Variants in SEMA5A observed in about 807,000 individuals in gnomAD.
SEMA5A encodes the protein semaphorin-5A.
In SEMA5A, 55 loss-of-function variants were observed where a neutral mutation model predicts 135.5. The ratio of observed to expected loss-of-function variants is 0.41; its 90% CI spans 0.33 to 0.51. The LOEUF is 0.51. Ranked by LOEUF, SEMA5A falls within the 20% of genes least tolerant of loss-of-function variation. The pLI, the probability that SEMA5A is intolerant of heterozygous loss-of-function variation, is 0.37. For missense variants in SEMA5A, 1,290 were observed against 1,419.9 expected (o/e 0.91, Z 1.47); for synonymous variants, 580 against 546.5 (o/e 1.06, Z -0.85).
intron 2 of SEMA5A, among the ~76,000 whole-genome samples, chr5:9,429,255 C>T (rs1757774157): frequency 6.6e-6 from 1 of 152,130 alleles, no homozygotes; most frequent in Non-Finnish European, 1.5e-5. Context: ...TTCTCTTAGC[C>T]AAGCCCATAG....
chr5:9,092,901 C>A (rs1311287906), intron 16 of SEMA5A, among the ~76,000 whole-genome samples: 1 of 152,148 alleles, frequency 6.6e-6, no homozygotes, highest in Admixed American at 6.5e-5. Flanking sequence ...CTACACTCTG[C>A]AAGGTGTTGA....
At chr5:9,129,456 T>C (rs1741285995) in intron 13 of SEMA5A, among the ~76,000 whole-genome samples, 1 of 152,264 alleles carries the variant, frequency 6.6e-6, no homozygotes, top group African/African-American at 2.4e-5. Flanking sequence ...TGGGTGCAGG[T>C]TCTCTGTGTT....
intron 5 of SEMA5A, among the ~76,000 whole-genome samples, chr5:9,282,572 C>G (rs186075578): frequency 7.2e-5 from 11 of 152,202 alleles, no homozygotes; most frequent in African/African-American, 2.6e-4. Flanking sequence ...TATATTTATA[C>G]CTAAATCCTA....
chr5:9,090,363 G>C (rs13436571), intron 16 of SEMA5A, among the ~76,000 whole-genome samples: 36 of 152,228 alleles, frequency 2.4e-4, no homozygotes, highest in African/African-American at 8.7e-4. Flanking sequence ...GCTTTAAAAC[G>C]AACTTCCATT....
Position 9,224,776 on chromosome 5 carries a change from C to T in SEMA5A, c.544G>A (p.Ala182Thr). 1 of 1,614,142 alleles carries T rather than the reference C, an allele frequency of 6.2e-7. No homozygotes were observed. The highest frequency in any genetic ancestry group is 8.5e-7 in the Non-Finnish European group (1 of 1,180,028). The change falls in exon 8 of 23, where the codon GCT becomes ACT. Residue 182 changes from alanine to threonine, a missense_variant. Around this residue, in one of 3 missense-constraint regions of SEMA5A, gnomAD observed 145 missense variants for 212.0 expected, o/e 0.68. Transcript: ENST00000382496. The part of the protein sequence containing the change: ...LLTAGGELYA[A>T]TAMDFPGRDP... ...CGTCCTGGAAAATCCATGGCTGTAGCAGCATAGAGCTCCCCACCAGCTGTG... is the reference window on the plus strand; with the variant it reads ...CGTCCTGGAAAATCCATGGCTGTAGTAGCATAGAGCTCCCCACCAGCTGTG...
intron 8 of SEMA5A, among the ~76,000 whole-genome samples, chr5:9,217,646 G>C (rs947918266): frequency 4.6e-5 from 7 of 152,138 alleles, no homozygotes; most frequent in African/African-American, 1.7e-4. Flanking sequence ...TAGATTTGGT[G>C]TCTTTACCTC....
intron 8 of SEMA5A, among the ~76,000 whole-genome samples, chr5:9,223,336 G>A (rs1747106651): frequency 1.3e-5 from 2 of 152,170 alleles, no homozygotes; most frequent in South Asian, 2.1e-4. Flanking sequence ...CAAAATACTT[G>A]CATTGAATAT....
intron 14 of SEMA5A, among the ~76,000 whole-genome samples, chr5:9,120,682 T>G (rs1307901498): frequency 6.6e-6 from 1 of 152,196 alleles, no homozygotes; most frequent in Non-Finnish European, 1.5e-5. Context: ...TTTGCAAAGT[T>G]TCATTACATG....
chr5:9,066,621 G>C lies in SEMA5A; in HGVS notation c.2099C>G (p.Pro700Arg), dbSNP rs111767641. ...NVEYQSCNTNPCPELKKTTPW... is the reference protein window; with the variant it reads ...NVEYQSCNTNRCPELKKTTPW... The stretch of plus-strand genomic sequence containing the variant: ...CGTGGTCTTCTTCAGCTCAGGACAC[G>C]GGTTGGTGTTGCAAGACTGGTACTC... Residue 700 changes from proline (P) to arginine (R), a missense_variant, in exon 17 of 23, where the codon CCG (proline) becomes CGG (arginine). Coordinates refer to ENST00000382496, the MANE Select transcript of SEMA5A (RefSeq NM_003966.3). 6 of 1,613,944 alleles carry C rather than the reference G, an allele frequency of 3.7e-6. No individual in the cohort carries two copies. The African/African-American group carries it at 4.0e-5, about 11-fold the overall frequency.
intron 1 of SEMA5A, among the ~76,000 whole-genome samples, chr5:9,458,671 GA>G (rs533444499): frequency 6.8e-4 from 104 of 152,300 alleles, no homozygotes; most frequent in African/African-American, 2.3e-3. Flanking sequence ...AGACTCTACA[GA>G]AAACCAGGGC....
At chr5:9,527,746 A>G (rs994642410) in intron 1 of SEMA5A, among the ~76,000 whole-genome samples, 1 of 152,168 alleles carries the variant, frequency 6.6e-6, no homozygotes, top group Non-Finnish European at 1.5e-5. Flanking sequence ...TATTGCTATC[A>G]TTTTAGAATT....
intron 2 of SEMA5A, among the ~76,000 whole-genome samples, chr5:9,420,113 G>T (rs890463404): frequency 1.3e-5 from 2 of 151,884 alleles, no homozygotes; most frequent in African/African-American, 4.8e-5. Context: ...ATGATGGAGC[G>T]CTCCATCATG....
intron 6 of SEMA5A, among the ~76,000 whole-genome samples, chr5:9,232,716 A>G (rs1393279830): frequency 6.6e-6 from 1 of 152,002 alleles, no homozygotes; most frequent in Non-Finnish European, 1.5e-5. Context: ...TTCATGGGAA[A>G]CCTTTTTGGA....
At chr5:9,491,400 G>A (rs1734995843) in intron 1 of SEMA5A, among the ~76,000 whole-genome samples, 1 of 152,096 alleles carries the variant, frequency 6.6e-6, no homozygotes, top group South Asian at 2.1e-4. Flanking sequence ...AACTCTGGGT[G>A]ATAATGATGT....
rs376889122 is a variant in SEMA5A, at chr5:9,386,698, G to T, written c.-77-6675C>A. Among the ~76,000 whole-genome samples the T allele has an allele frequency of 2.6e-4, 39 of 152,342 alleles. No homozygotes were observed. The South Asian group carries it at 8.1e-3, about 32-fold the overall frequency. ...GCCACACCACTGCTTCCACGTGAAA[G>T]GTTGCCTTGGAGAGACCCAGACCTT... On this transcript the variant is annotated intron_variant, in intron 2 of 22. Transcript: ENST00000382496.
At chr5:9,536,506 G>A (rs1482439343) in intron 1 of SEMA5A, among the ~76,000 whole-genome samples, 2 of 152,032 alleles carry the variant, frequency 1.3e-5, no homozygotes, top group Non-Finnish European at 2.9e-5. Flanking sequence ...CCAGCTACTT[G>A]GGAGGCTGAG....
chr5:9,419,397 T>G (rs575866213), intron 2 of SEMA5A, among the ~76,000 whole-genome samples: 1 of 151,966 alleles, frequency 6.6e-6, no homozygotes, highest in Non-Finnish European at 1.5e-5. Context: ...TTGGCCAGAG[T>G]GTGTGCCTCA....
At chr5:9,525,002 CAA>C (rs1737049824) in intron 1 of SEMA5A, among the ~76,000 whole-genome samples, 1 of 152,136 alleles carries the variant, frequency 6.6e-6, no homozygotes, top group African/African-American at 2.4e-5. Context: ...ATATTTACAA[CAA>C]AGTTTACAAC....
Position 9,036,545 on chromosome 5 carries a change from A to C in SEMA5A, c.*6352T>G, listed in dbSNP as rs1222792274. 6.6e-6 allele frequency: 1 copy of C among 152,088 alleles called. No homozygotes were observed. Among genetic ancestry groups the C allele is most frequent in the Non-Finnish European group, 1.5e-5 (1 of 68,014 alleles). The allele number at this position is 152,088 out of a possible 1,614,324, so 9.4% of individuals were successfully genotyped here. A position where few individuals can be genotyped will look rare whatever the true frequency, so the allele number is the denominator to read the frequency against. On this transcript the variant is annotated 3_prime_UTR_variant, in exon 23 of 23. Coordinates refer to ENST00000382496, the MANE Select transcript of SEMA5A (RefSeq NM_003966.3). Reference sequence around the variant, plus strand: ...TTAACATTCTTATTACAGAACAATCACTATGATTTTTTTTGGAACATGTAA... The same window carrying C: ...TTAACATTCTTATTACAGAACAATCCCTATGATTTTTTTTGGAACATGTAA...
Sources: allele counts gnomAD v4.1 joint callset (sites outside exome capture counted in the v4.1 genomes callset), GRCh38; gene constraint gnomAD v4.1.1; regional missense constraint gnomAD v4.1.1; transcripts MANE v1.5; gene names NCBI Gene and HGNC (gene_info 2026-07-23, HGNC 2026-07-21).